Variants in ACVR1C observed in about 807,000 individuals in gnomAD.
ACVR1C encodes the protein activin A receptor type 1C, also known as activin receptor type-1C.
Under a neutral mutation model 57.9 loss-of-function variants are expected in ACVR1C, and 23 were observed. The ratio of observed to expected loss-of-function variants is 0.40; its 90% CI spans 0.29 to 0.56. The LOEUF is 0.56. Among genes scored for constraint, ACVR1C ranks in the 20% least tolerant of loss-of-function variants. The pLI is 0.50. For missense variants in ACVR1C, 480 were observed against 607.9 expected (o/e 0.79, Z 2.21); for synonymous variants, 214 against 215.3 (o/e 0.99, Z 0.05).
chr2:157,542,641 T>G, intron 6 of ACVR1C, 65 bp downstream of exon 6: 1 of 1,537,576 alleles, frequency 6.5e-7, no homozygotes, highest in South Asian at 1.3e-5. Context: ...TCCACACACA[T>G]GAGGACATTC....
At chr2:157,564,780 A>C (rs1224163537) in intron 2 of ACVR1C, among the ~76,000 whole-genome samples, 2 of 152,226 alleles carry the variant, frequency 1.3e-5, no homozygotes, top group Non-Finnish European at 2.9e-5. Context: ...CAGCCATAAG[A>C]AGGAATGAGA....
intron 2 of ACVR1C, among the ~76,000 whole-genome samples, chr2:157,557,042 T>C (rs1205389681): frequency 1.3e-5 from 2 of 152,322 alleles, no homozygotes; most frequent in East Asian, 1.9e-4. Context: ...GTGTTGCTGC[T>C]ATTCCAGGTA....
At chr2:157,597,443 G>T in intron 1 of ACVR1C, 1 of 985,462 alleles carries the variant, frequency 1.0e-6, no homozygotes, top group Non-Finnish European at 1.2e-6. Context: ...ATGAATTTGC[G>T]AAGGGACACC....
intron 3 of ACVR1C, among the ~76,000 whole-genome samples, chr2:157,551,361 T>C (rs1009435708): frequency 2.6e-5 from 4 of 152,212 alleles, no homozygotes; most frequent in African/African-American, 9.7e-5. Flanking sequence ...TCAATAATGG[T>C]TAACATTATG....
chr2:157,622,993 A>G (rs1426223128), intron 1 of ACVR1C, among the ~76,000 whole-genome samples: 6 of 152,250 alleles, frequency 3.9e-5, no homozygotes, highest in Non-Finnish European at 5.9e-5. Context: ...CAAATGGCAA[A>G]CAGCACATGA....
At chr2:157,556,000 C>T (rs994374030) in intron 3 of ACVR1C, 93 bp downstream of exon 3, 65 of 1,384,974 alleles carry the variant, frequency 4.7e-5, no homozygotes, top group Non-Finnish European at 6.0e-5. Context: ...AGACGGAATT[C>T]ATAATATTTG....
intron 1 of ACVR1C, among the ~76,000 whole-genome samples, chr2:157,595,483 T>C (rs1471169210): frequency 6.6e-6 from 1 of 152,216 alleles, no homozygotes; most frequent in Non-Finnish European, 1.5e-5. Context: ...ACAGGACACA[T>C]TTCCTCTGCT....
chr2:157,628,537 C>T lies in ACVR1C; in HGVS notation c.73+35G>A, dbSNP rs748160005. ...CCGCAGACCTCCTCCCAGCTCCCACCCTCGCGGGCGTCGGGAGAGAAACCA... is the reference window on the plus strand; with the variant it reads ...CCGCAGACCTCCTCCCAGCTCCCACTCTCGCGGGCGTCGGGAGAGAAACCA... On this transcript the variant is annotated intron_variant, in intron 1 of 8. Transcript: ENST00000243349. 10 of 1,597,132 alleles carry T rather than the reference C, an allele frequency of 6.3e-6. No homozygotes were observed. The South Asian group carries it at 1.1e-4, about 18-fold the overall frequency.
At chr2:157,600,322 C>T (rs146912575) in intron 1 of ACVR1C, among the ~76,000 whole-genome samples, 3 of 152,184 alleles carry the variant, frequency 2.0e-5, no homozygotes, top group African/African-American at 7.2e-5. Context: ...ATGGCATACT[C>T]AATCTATTTG....
rs1410748063 is a variant in ACVR1C, at chr2:157,531,518, A to G, written c.*2400T>C. 1 of 152,080 alleles carries G rather than the reference A, an allele frequency of 6.6e-6. No homozygotes were observed. Among genetic ancestry groups the G allele is most frequent in the Non-Finnish European group, 1.5e-5 (1 of 67,950 alleles). The allele number at this position is 152,080 out of a possible 1,614,324, so 9.4% of individuals were successfully genotyped here. A position where few individuals can be genotyped will look rare whatever the true frequency, so the allele number is the denominator to read the frequency against. On this transcript the variant is annotated 3_prime_UTR_variant, in exon 9 of 9. Transcript: ENST00000243349. Reference sequence around the variant, plus strand: ...ACAAGAAAAATGGAGATGGTAAAAAATCCTCTCTTAAAAATTCAATAAGCA... The same window carrying G: ...ACAAGAAAAATGGAGATGGTAAAAAGTCCTCTCTTAAAAATTCAATAAGCA...
chr2:157,576,117 C>T (rs576423883), intron 2 of ACVR1C, among the ~76,000 whole-genome samples: 1 of 151,966 alleles, frequency 6.6e-6, no homozygotes, highest in Non-Finnish European at 1.5e-5. Context: ...AACATTGGCA[C>T]CCCCATTCTG....
intron 1 of ACVR1C, among the ~76,000 whole-genome samples, chr2:157,594,165 T>C (rs1682024761): frequency 6.6e-6 from 1 of 152,116 alleles, no homozygotes; most frequent in African/African-American, 2.4e-5. Flanking sequence ...CATTTGGAAT[T>C]TTCTCAGTCC....
intron 1 of ACVR1C, among the ~76,000 whole-genome samples, chr2:157,627,936 T>C (rs933215637): frequency 1.3e-5 from 2 of 152,258 alleles, no homozygotes; most frequent in Admixed American, 6.5e-5. Flanking sequence ...AGACCTGTTA[T>C]AAACTCTGGG....
chr2:157,619,409 G>A (rs1344202665), intron 1 of ACVR1C, among the ~76,000 whole-genome samples: 1 of 152,008 alleles, frequency 6.6e-6, no homozygotes, highest in Non-Finnish European at 1.5e-5. Flanking sequence ...CAGTTGCTGA[G>A]AGGGAAACTT....
rs185401296 is a variant in ACVR1C at position 157,601,366 on chromosome 2, C to A, written c.74-13949G>T. On this transcript the variant is annotated intron_variant, in intron 1 of 8. Transcript: ENST00000243349. ...ATAAAAAAGAAGGTAGGTTACCTGG[C>A]TTCTCCTGGTTCCTTTTATCTATCA... 1.5e-4 allele frequency among the ~76,000 whole-genome samples: 23 copies of A among 152,128 alleles called. No homozygotes were observed. The East Asian group carries it at 3.9e-3, about 26-fold the overall frequency.
In ACVR1C at chr2:157,590,638, T is replaced by C. The variant is rs531046824; in HGVS notation, c.74-3221A>G. Among the ~76,000 whole-genome samples the C allele has an allele frequency of 2.0e-3, 297 of 152,086 alleles. 2 individuals are homozygous for C. Among genetic ancestry groups the C allele is most frequent in the Non-Finnish European group, 3.6e-3 (242 of 67,874 alleles). ...TAGTGGTGACCAACATTAATAAATA[T>C]ACTTTTTCATCAATATTTATGTGAT... On this transcript the variant is annotated intron_variant, in intron 1 of 8. Transcript: ENST00000243349.
chr2:157,622,732 T>C (rs1682808657), intron 1 of ACVR1C, among the ~76,000 whole-genome samples: 2 of 152,046 alleles, frequency 1.3e-5, no homozygotes, highest in Admixed American at 6.6e-5. Context: ...CCAGCACAGA[T>C]GCCCAAAGCA....
chr2:157,554,833 A>G (rs1688054544), intron 3 of ACVR1C, among the ~76,000 whole-genome samples: 2 of 152,042 alleles, frequency 1.3e-5, no homozygotes, highest in East Asian at 3.9e-4. Flanking sequence ...GAAGAGATGC[A>G]GGGGCCTCTG....
intron 3 of ACVR1C, among the ~76,000 whole-genome samples, chr2:157,554,647 T>G (rs917366463): frequency 1.3e-5 from 2 of 152,182 alleles, no homozygotes; most frequent in Non-Finnish European, 2.9e-5. Context: ...GATTATGCTT[T>G]TCTTTTCTGA....
Sources: gnomAD v4.1 joint callset for allele counts (sites outside exome capture counted in the v4.1 genomes callset) on GRCh38, gnomAD v4.1.1 for gene constraint, MANE v1.5 for transcripts, NCBI Gene and HGNC (gene_info 2026-07-23, HGNC 2026-07-21) for gene names.